PIGN: variants seen among roughly 807,000 people sequenced by gnomAD.
The protein encoded by PIGN is phosphatidylinositol glycan anchor biosynthesis class N, also known as GPI ethanolamine phosphate transferase 1.
Under a neutral mutation model 125.4 loss-of-function variants are expected in PIGN, and 117 were observed. The observed-to-expected ratio is 0.93, with a 90% CI of 0.80 to 1.09. The LOEUF is 1.09. Among genes scored for constraint, PIGN ranks in the 50% least tolerant of loss-of-function variants. PIGN has a pLI of 0.00. For synonymous variants in PIGN, 392 were observed against 377.8 expected, an observed-to-expected ratio of 1.04 and a Z score of -0.44; for missense variants, 1,075 against 1,094.9, an observed-to-expected ratio of 0.98 and a Z score of 0.26.
chr18:62,060,858 T>C (rs2032079720), intron 30 of PIGN, among the ~76,000 whole-genome samples: 1 of 152,224 alleles, frequency 6.6e-6, no homozygotes, highest in Admixed American at 6.5e-5. Flanking sequence ...TTTAAAAATG[T>C]ACTTTCAGTA....
rs1298705542 is a variant in PIGN at position 62,138,239 on chromosome 18, T to A, written c.1172+4A>T. On this transcript the variant is annotated splice_donor_region_variant and intron_variant, in intron 14 of 30. Coordinates refer to ENST00000640252, the MANE Select transcript of PIGN (RefSeq NM_176787.5). ...AAGTTAATAAAAAAATGTAAGGGAC[T>A]TACTTAAATGGTGTAAACAAAAATG... is the stretch of plus-strand genomic sequence containing the variant. 1 of 1,545,182 alleles carries A rather than the reference T, an allele frequency of 6.5e-7. No homozygotes were observed. Among genetic ancestry groups the A allele is most frequent in the Admixed American group, 2.0e-5 (1 of 49,446 alleles).
intron 17 of PIGN, 136 bp downstream of exon 17, chr18:62,109,698 G>T: frequency 1.6e-6 from 1 of 611,314 alleles, no homozygotes; most frequent in Non-Finnish European, 2.8e-6. Flanking sequence ...TAAATGAAGT[G>T]AGAGGGACTG....
intron 14 of PIGN, among the ~76,000 whole-genome samples, chr18:62,126,404 A>T (rs905853733): frequency 3.3e-5 from 5 of 152,112 alleles, no homozygotes; most frequent in Non-Finnish European, 7.4e-5. Flanking sequence ...ATCATTTTAT[A>T]TTACAGGTGC....
chr18:62,100,160 TGAGTA>T (rs1414074348), intron 22 of PIGN, among the ~76,000 whole-genome samples: 1 of 152,184 alleles, frequency 6.6e-6, no homozygotes, highest in African/African-American at 2.4e-5. Context: ...GCAAATGATC[TGAGTA>T]GACATTTCTC....
chr18:62,053,805 C>CTT (rs35439596), intron 30 of PIGN, among the ~76,000 whole-genome samples: 1 of 152,166 alleles, frequency 6.6e-6, no homozygotes, highest in Non-Finnish European at 1.5e-5. Context: ...AATACATGCT[C>CTT]TTTTCAAGTG....
chr18:62,130,083 C>A (rs2035676970), intron 14 of PIGN, among the ~76,000 whole-genome samples: 1 of 152,062 alleles, frequency 6.6e-6, no homozygotes, highest in South Asian at 2.1e-4. Flanking sequence ...TGCTTGCAGC[C>A]CCCAGAAGCT....
intron 11 of PIGN, among the ~76,000 whole-genome samples, chr18:62,141,454 T>G (rs976430160): frequency 6.6e-6 from 1 of 152,248 alleles, no homozygotes; most frequent in Non-Finnish European, 1.5e-5. Context: ...GTTTCTTCTA[T>G]CTCACTGGCT....
Position 62,053,432 on chromosome 18 carries a change from T to A in PIGN, c.2673-7453A>T, listed in dbSNP as rs139101001. On this transcript the variant is annotated intron_variant, in intron 30 of 30. Coordinates refer to ENST00000640252, the MANE Select transcript of PIGN (RefSeq NM_176787.5). ...AAAACAAAAAAATAAAATGGCAGACTTAAGCCCTAACATATCAATAACTGC... is the reference window on the plus strand; with the variant it reads ...AAAACAAAAAAATAAAATGGCAGACATAAGCCCTAACATATCAATAACTGC... Among the ~76,000 whole-genome samples, 287 of 152,226 alleles carry A rather than the reference T, an allele frequency of 1.9e-3. 1 individual carries two copies. Among genetic ancestry groups the A allele is most frequent in the African/African-American group, 6.7e-3 (278 of 41,536 alleles).
At chr18:62,026,012 T>C (rs1403794753) in intron 23 of PIGN, among the ~76,000 whole-genome samples, 1 of 152,186 alleles carries the variant, frequency 6.6e-6, no homozygotes, top group Non-Finnish European at 1.5e-5. Flanking sequence ...ACCCAATCCC[T>C]GCACCTTGTC....
chr18:62,085,092 A>G, intron 26 of PIGN, 117 bp downstream of exon 26: 1 of 647,816 alleles, frequency 1.5e-6, no homozygotes, highest in East Asian at 2.9e-5. Flanking sequence ...TAGGCAACAG[A>G]GTGAGACTTG....
chr18:62,101,885 T>C (rs2034451023), intron 21 of PIGN, among the ~76,000 whole-genome samples: 1 of 152,166 alleles, frequency 6.6e-6, no homozygotes, highest in African/African-American at 2.4e-5. Context: ...GACTATCACA[T>C]GATATGATCT....
rs114760677 is a variant in PIGN, at chr18:62,067,036, A to G, written c.2672+5637T>C. Among the ~76,000 whole-genome samples the G allele has an allele frequency of 3.0e-3, 462 of 152,252 alleles. 1 individual carries two copies. The highest frequency in any genetic ancestry group is 0.011 in the African/African-American group (439 of 41,548). ...TTATGCATTTTTCTCTTTAGCTTTT[A>G]TCAGTCATACATGCAAGTACTAGAA... On this transcript the variant is annotated intron_variant, in intron 30 of 30. Transcript: ENST00000640252.
At chr18:62,022,410 AT>A (rs1057069790) in intron 23 of PIGN, among the ~76,000 whole-genome samples, 9 of 152,242 alleles carry the variant, frequency 5.9e-5, no homozygotes, top group African/African-American at 2.2e-4. Context: ...AGTAAAAGCC[AT>A]TTTTGTCAAG....
rs550254913 is a variant in PIGN, at chr18:62,082,347, T to C, written c.2576+326A>G. Reference sequence around the variant, plus strand: ...AAAAGTTAGAGTATCTTTTGCTTTTTGTAGGCACAGTTATAACAAGTAATT... The same window carrying C: ...AAAAGTTAGAGTATCTTTTGCTTTTCGTAGGCACAGTTATAACAAGTAATT... On this transcript the variant is annotated intron_variant, in intron 28 of 30. Coordinates refer to ENST00000640252, the MANE Select transcript of PIGN (RefSeq NM_176787.5). Among the ~76,000 whole-genome samples the C allele has an allele frequency of 5.9e-5, 9 of 152,276 alleles. No individual in the cohort carries two copies. The South Asian group carries it at 6.2e-4, about 11-fold the overall frequency.
At position 62,137,297 on chromosome 18, in the gene PIGN, G is replaced by A. The variant is rs542536005; in HGVS notation, c.1172+946C>T. On this transcript the variant is annotated intron_variant, in intron 14 of 30. Transcript: ENST00000640252. ...CTCGGGCCTTTGGCCACAGACTGAA[G>A]GCTATACTGTCAGCTTCCCTACTTT... 13 of 412,938 alleles carry A rather than the reference G, an allele frequency of 3.1e-5. No individual in the cohort carries two copies. The South Asian group carries it at 4.9e-4, about 16-fold the overall frequency. The allele number at this position is 412,938 out of a possible 1,614,324, so 25.6% of individuals were successfully genotyped here.
At chr18:62,164,303 T>C (rs1294906640) in intron 1 of PIGN, among the ~76,000 whole-genome samples, 2 of 152,222 alleles carry the variant, frequency 1.3e-5, no homozygotes, top group South Asian at 4.1e-4. Context: ...TTTCATACTA[T>C]AATATATAAC....
chr18:62,070,518 C>G, intron 30 of PIGN: 1 of 398,340 alleles, frequency 2.5e-6, no homozygotes, highest in Non-Finnish European at 4.4e-6. Flanking sequence ...TAAGAGGTAT[C>G]AACAGAGGGA....
chr18:62,111,325 A>G (rs1382166581), intron 16 of PIGN, among the ~76,000 whole-genome samples: 1 of 152,086 alleles, frequency 6.6e-6, no homozygotes, highest in Non-Finnish European at 1.5e-5. Flanking sequence ...ATTAACCCAG[A>G]AGAACAGTAC....
chr18:62,127,204 A>G (rs1326017981), intron 14 of PIGN, among the ~76,000 whole-genome samples: 1 of 152,180 alleles, frequency 6.6e-6, no homozygotes, highest in Non-Finnish European at 1.5e-5. Context: ...ATAATGCTAC[A>G]TCCCAATAAA....
Sources: allele counts gnomAD v4.1 joint callset (sites outside exome capture counted in the v4.1 genomes callset), GRCh38; gene constraint gnomAD v4.1.1; transcripts MANE v1.5; gene names NCBI Gene and HGNC (gene_info 2026-07-23, HGNC 2026-07-21).